Variants in MEF2C observed in about 807,000 individuals in gnomAD.
MEF2C encodes the protein myocyte-specific enhancer factor 2C.
MEF2C carries 6 observed loss-of-function variants against 50.5 expected under a neutral mutation model. That is an observed-to-expected ratio of 0.12 (90% confidence interval 0.07 to 0.23). The LOEUF (loss-of-function observed/expected upper bound fraction) is 0.23. Ranked by LOEUF, MEF2C falls within the 10% of genes least tolerant of loss-of-function variation. The probability of loss-of-function intolerance (pLI) is 1.00; values close to 1 mark genes in which losing one functional copy is unlikely to be tolerated. For synonymous variants in MEF2C, 183 were observed against 228.0 expected (o/e 0.80, Z 1.78); for missense variants, 276 against 605.0 (o/e 0.46, Z 5.70).
intron 6 of MEF2C, among the ~76,000 whole-genome samples, chr5:88,746,287 G>C (rs1233627288): frequency 1.3e-5 from 2 of 152,156 alleles, no homozygotes; most frequent in African/African-American, 4.8e-5. Flanking sequence ...ATGAGAAAAG[G>C]ATGGCTCAGG....
intron 2 of MEF2C, among the ~76,000 whole-genome samples, chr5:88,820,170 T>C (rs1243942624): frequency 6.6e-6 from 1 of 151,968 alleles, no homozygotes; most frequent in Non-Finnish European, 1.5e-5. Context: ...ATTCATAATG[T>C]TATTTTTACA....
chr5:88,825,321 A>G (rs1810384478), intron 1 of MEF2C: 1 of 174,036 alleles, frequency 5.7e-6, no homozygotes, highest in Non-Finnish European at 1.1e-5. Flanking sequence ...ATTATGATAT[A>G]ATTACTTCTG....
chr5:88,760,825 G>A (rs77522012), intron 4 of MEF2C, among the ~76,000 whole-genome samples: 1 of 152,232 alleles, frequency 6.6e-6, no homozygotes, highest in Non-Finnish European at 1.5e-5. Context: ...CATAATCTCA[G>A]CATCCTTTAG....
intron 10 of MEF2C, among the ~76,000 whole-genome samples, chr5:88,727,781 G>C (rs892047291): frequency 6.8e-5 from 10 of 147,218 alleles, no homozygotes; most frequent in Non-Finnish European, 1.2e-4. Context: ...TTAAAAAAAT[G>C]ATTTGTTTTA....
At chr5:88,733,283 A>G (rs1762466935) in intron 6 of MEF2C, 1 of 985,326 alleles carries the variant, frequency 1.0e-6, no homozygotes, top group Non-Finnish European at 1.2e-6. Context: ...AGGGGCACTG[A>G]GAGGAACCTG....
intron 2 of MEF2C, among the ~76,000 whole-genome samples, chr5:88,814,652 C>T (rs935684186): frequency 3.3e-5 from 5 of 151,944 alleles, no homozygotes; most frequent in African/African-American, 9.7e-5. Flanking sequence ...CTCTACCAAC[C>T]CCTCACCCTA....
intron 2 of MEF2C, among the ~76,000 whole-genome samples, chr5:88,811,190 T>C (rs1264822760): frequency 1.3e-5 from 2 of 152,056 alleles, no homozygotes; most frequent in African/African-American, 4.8e-5. Context: ...CTGAGAACAA[T>C]CTGGCATGAG....
rs1780627901 is a variant in MEF2C at position 88,767,684 on chromosome 5, T to C, written c.259-6356A>G. Among the ~76,000 whole-genome samples the C allele has an allele frequency of 1.3e-5, 2 of 152,208 alleles. 1 individual carries two copies. Among genetic ancestry groups the C allele is most frequent in the South Asian group, 4.1e-4 (2 of 4,828 alleles). On this transcript the variant is annotated intron_variant, in intron 3 of 10. Transcript: ENST00000504921. ...TGTCATTGTTTTTATTTTTATATGC[T>C]TCCTCAAAAGATAATCTTAATATTG...
intron 3 of MEF2C, among the ~76,000 whole-genome samples, chr5:88,784,461 AT>A (rs1789826581): frequency 6.6e-6 from 1 of 152,206 alleles, no homozygotes; most frequent in African/African-American, 2.4e-5. Flanking sequence ...TAAAATAACT[AT>A]ATTATTTCAT....
chr5:88,870,887 G>T lies in MEF2C; in HGVS notation c.-143+12068C>A, dbSNP rs304143. Among the ~76,000 whole-genome samples the T allele has an allele frequency of 6.9e-3, 1,046 of 152,096 alleles. 12 individuals carry two copies. The highest frequency in any genetic ancestry group is 0.024 in the African/African-American group (1,011 of 41,522). On this transcript the variant is annotated intron_variant, in intron 1 of 10. Transcript: ENST00000504921. ...TGGGGTAAGTTTTTGAATTATGTGGGTATTGTATTGACAAGTGCCAAAGAT... is the reference window on the plus strand; with the variant it reads ...TGGGGTAAGTTTTTGAATTATGTGGTTATTGTATTGACAAGTGCCAAAGAT...
At chr5:88,733,279 A>G in intron 6 of MEF2C, 1 of 985,314 alleles carries the variant, frequency 1.0e-6, no homozygotes, top group Non-Finnish European at 1.2e-6. Flanking sequence ...GGTAAGGGGC[A>G]CTGAGAGGAA....
At chr5:88,827,952 C>T (rs1811584243) in intron 1 of MEF2C, among the ~76,000 whole-genome samples, 2 of 150,374 alleles carry the variant, frequency 1.3e-5, no homozygotes, top group Admixed American at 6.6e-5. Context: ...GGAAAAGATT[C>T]TTATGGTTAT....
At chr5:88,781,872 CTG>C (rs1788247161) in intron 3 of MEF2C, among the ~76,000 whole-genome samples, 1 of 152,136 alleles carries the variant, frequency 6.6e-6, no homozygotes, top group African/African-American at 2.4e-5. Flanking sequence ...ACTCGGGAGA[CTG>C]AGGCAGGAGA....
intron 5 of MEF2C, chr5:88,749,608 A>G: frequency 1.9e-6 from 1 of 537,788 alleles, no homozygotes; most frequent in Non-Finnish European, 2.4e-6. Context: ...AATATAACAA[A>G]TTTTTCACCG....
chr5:88,897,563 C>T (rs1835242889), intron 1 of MEF2C, among the ~76,000 whole-genome samples: 1 of 152,164 alleles, frequency 6.6e-6, no homozygotes. Flanking sequence ...TATCACATTT[C>T]AAGCTGTATT....
chr5:88,847,628 C>G (rs577815511), intron 1 of MEF2C, among the ~76,000 whole-genome samples: 10 of 152,186 alleles, frequency 6.6e-5, no homozygotes, highest in African/African-American at 2.4e-4. Context: ...GAGCTGAGTA[C>G]AGCGACAATT....
intron 7 of MEF2C, among the ~76,000 whole-genome samples, chr5:88,731,070 T>G (rs1221216241): frequency 2.0e-5 from 3 of 152,170 alleles, no homozygotes; most frequent in African/African-American, 7.2e-5. Flanking sequence ...TTAAAATTTC[T>G]TATTTATTTA....
At chr5:88,819,022 G>A (rs1439119085) in intron 2 of MEF2C, among the ~76,000 whole-genome samples, 1 of 151,906 alleles carries the variant, frequency 6.6e-6, no homozygotes, top group Non-Finnish European at 1.5e-5. Flanking sequence ...TAATGAGAAA[G>A]GTACTAACTT....
chr5:88,900,572 G>C (rs1835549597), intron 1 of MEF2C, among the ~76,000 whole-genome samples: 1 of 151,494 alleles, frequency 6.6e-6, no homozygotes, highest in Non-Finnish European at 1.5e-5. Context: ...AAAAACTTTT[G>C]TACCATAGAT....
Sources: gnomAD v4.1 joint callset for allele counts (sites outside exome capture counted in the v4.1 genomes callset) on GRCh38, gnomAD v4.1.1 for gene constraint, MANE v1.5 for transcripts, NCBI Gene and HGNC (gene_info 2026-07-23, HGNC 2026-07-21) for gene names.